WDPCP: variants seen among roughly 807,000 people sequenced by gnomAD.
WDPCP encodes WD repeat containing planar cell polarity effector.
Under a neutral mutation model 93.1 loss-of-function variants are expected in WDPCP, and 71 were observed. The observed-to-expected ratio is 0.76, with a 90% CI of 0.63 to 0.93. The LOEUF is 0.93. WDPCP is among the 40% of genes least tolerant of loss of function. WDPCP has a pLI of 0.00. For missense variants in WDPCP, 844 were observed against 887.4 expected, an observed-to-expected ratio of 0.95 and a Z score of 0.62; for synonymous variants, 315 against 315.0, an observed-to-expected ratio of 1.00 and a Z score of 0.00.
At position 63,174,710 on chromosome 2, in the gene WDPCP, G is replaced by A; in HGVS notation, c.2038C>T (p.His680Tyr). The change falls in exon 15 of 18, where the codon CAT (histidine) becomes TAT (tyrosine). Residue 680 changes from histidine (H) to tyrosine (Y), a missense_variant. By Grantham distance (83) the His-to-Tyr change is moderately conservative. Transcript: ENST00000272321. ...TTCAGTATTCTTTGTTGTAAAATAT[G>A]TCTGTGGGTTGGGCAAGAGGGAGGG... is the stretch of plus-strand genomic sequence containing the variant. ...NLPPSCPTHR[H>Y]ILQQRILNGS... 1 of 1,613,978 alleles carries A rather than the reference G, an allele frequency of 6.2e-7. No homozygotes were observed. The highest frequency in any genetic ancestry group is 8.5e-7 in the Non-Finnish European group (1 of 1,179,912).
At chr2:63,782,513 G>C (rs570282168) in intron 2 of WDPCP, among the ~76,000 whole-genome samples, 7 of 152,074 alleles carry the variant, frequency 4.6e-5, no homozygotes, top group Non-Finnish European at 1.0e-4. Context: ...GCCAAGAATA[G>C]ACATTTTTCA....
chr2:63,557,950 A>G (rs1416826166), intron 1 of WDPCP, among the ~76,000 whole-genome samples: 2 of 152,216 alleles, frequency 1.3e-5, no homozygotes, highest in East Asian at 3.8e-4. Context: ...GAAACCAAAG[A>G]GAACAAAGAG....
chr2:63,464,004 GCAAAAA>G (rs1380127319), intron 6 of WDPCP, among the ~76,000 whole-genome samples: 1 of 151,880 alleles, frequency 6.6e-6, no homozygotes, highest in Non-Finnish European at 1.5e-5. Flanking sequence ...TACTACAAAA[GCAAAAA>G]CAAACAAATG....
chr2:63,799,522 A>G (rs1051036236), intron 2 of WDPCP, among the ~76,000 whole-genome samples: 11 of 152,144 alleles, frequency 7.2e-5, no homozygotes, highest in African/African-American at 2.4e-4. Context: ...AGTAGCCTCA[A>G]TGGTTTGTAC....
At chr2:63,644,060 TAGAA>T (rs1387747616) in intron 3 of WDPCP, 5 of 376,876 alleles carry the variant, frequency 1.3e-5, no homozygotes, top group Middle Eastern at 1.8e-3. Flanking sequence ...GTGCTAGGCA[TAGAA>T]AGAGTGATGA....
Position 63,437,527 on chromosome 2 carries a change from A to G in WDPCP, c.527T>C (p.Leu176Ser). Residue 176 changes from leucine to serine, a missense_variant, in exon 8 of 18, where the codon TTA becomes TCA. Coordinates refer to ENST00000272321, the MANE Select transcript of WDPCP (RefSeq NM_015910.7). ...DALLTDSFII[L>S]SFLAQNKLCF... is the part of the protein sequence containing the mutation. The stretch of plus-strand genomic sequence containing the variant: ...TAGTTTGTTTTGTGCCAAAAATGAT[A>G]AGATGATAAAACTGTCTGTGAGAAG... The G allele has an allele frequency of 6.3e-7, 1 of 1,594,820 alleles. No individual in the cohort carries two copies.
chr2:63,418,644 A>G (rs1214951355), intron 9 of WDPCP, among the ~76,000 whole-genome samples: 1 of 152,210 alleles, frequency 6.6e-6, no homozygotes, highest in African/African-American at 2.4e-5. Flanking sequence ...TTAGAATTCA[A>G]AAGAGAATGC....
At chr2:63,368,309 T>A (rs1408772027) in intron 12 of WDPCP, among the ~76,000 whole-genome samples, 20 of 84,068 alleles carry the variant, frequency 2.4e-4, no homozygotes, top group Middle Eastern at 0.011. Flanking sequence ...TTTATTTATT[T>A]ATTTATTTAT....
At chr2:63,526,418 G>C (rs1043670071) in intron 1 of WDPCP, among the ~76,000 whole-genome samples, 1 of 152,128 alleles carries the variant, frequency 6.6e-6, no homozygotes, top group African/African-American at 2.4e-5. Context: ...GTTTGAAAAG[G>C]AATTTTTTAA....
intron 17 of WDPCP, among the ~76,000 whole-genome samples, chr2:63,131,902 C>T (rs1670319764): frequency 7.0e-6 from 1 of 142,566 alleles, no homozygotes; most frequent in African/African-American, 2.6e-5. Context: ...GTGGTGCGAT[C>T]TCAGCTCACT....
intron 2 of WDPCP, among the ~76,000 whole-genome samples, chr2:63,683,424 C>T (rs1668750868): frequency 6.6e-6 from 1 of 151,736 alleles, no homozygotes; most frequent in Admixed American, 6.6e-5. Flanking sequence ...CCAATGGAAA[C>T]CAAAAGAGAG....
At chr2:63,509,729 T>TA (rs1416457005) in intron 1 of WDPCP, among the ~76,000 whole-genome samples, 3 of 151,166 alleles carry the variant, frequency 2.0e-5, no homozygotes, top group Admixed American at 6.6e-5. Flanking sequence ...ATAGACACAA[T>TA]AAAAAAAGAT....
At position 63,498,340 on chromosome 2, in the gene WDPCP, T is replaced by G. The variant is rs1428201887; in HGVS notation, c.76-5400A>C. 3.3e-5 allele frequency among the ~76,000 whole-genome samples: 5 copies of G among 152,222 alleles called. No individual in the cohort carries two copies. The East Asian group carries it at 9.6e-4, about 29-fold the overall frequency. On this transcript the variant is annotated intron_variant, in intron 1 of 17. Transcript: ENST00000272321. ...GAGCTTCACATACATTTAGAATGAC[T>G]GCTCTTTTTTATACAGGGGACAATC...
chr2:63,589,155 C>G, upstream of WDPCP: 2 of 1,612,204 alleles, frequency 1.2e-6, no homozygotes, highest in South Asian at 1.1e-5. Context: ...CACTGTCCTT[C>G]GCGCCCTTTG....
In WDPCP at chr2:63,808,314, TCCCTCTCCCCTCTCCCCTCTC is replaced by T. The variant is rs775542137; in HGVS notation, n.308+5287_308+5307del. On this transcript the variant is annotated intron_variant and non_coding_transcript_variant, in intron 2 of 4. Transcript: ENST00000467687. The stretch of plus-strand genomic sequence containing the variant: ...TCCCTCTCCCTCTCCCTCTCCCCTC[TCCCTCTCCCCTCTCCCCTCTC>T]CCCTCTCCCCACGGTCTCCCTCTCC... 3.3e-5 allele frequency among the ~76,000 whole-genome samples: 4 copies of T among 120,914 alleles called. No homozygotes were observed. The South Asian group carries it at 1.4e-3, about 43-fold the overall frequency. 79.3% of individuals were successfully genotyped at this position (120,914 alleles called of 152,430 possible).
At position 63,439,882 on chromosome 2, in the gene WDPCP, G is replaced by A. The variant is rs748209982; in HGVS notation, c.385-11C>T. ...TGAACCAAAAAGGAGCTAAAACCAG[G>A]TAAGTGGGGGAGAGAGGGAGGAAGA... On this transcript the variant is annotated splice_polypyrimidine_tract_variant and intron_variant, in intron 6 of 17. Transcript: ENST00000272321. 8 of 1,603,400 alleles carry A rather than the reference G, an allele frequency of 5.0e-6. No individual in the cohort carries two copies. In the South Asian group the frequency reaches 7.7e-5, roughly 15 times the overall value.
At chr2:63,338,173 G>A (rs1010339523) in intron 12 of WDPCP, among the ~76,000 whole-genome samples, 6 of 152,046 alleles carry the variant, frequency 3.9e-5, no homozygotes, top group Non-Finnish European at 5.9e-5. Flanking sequence ...TTTAATTTTT[G>A]TGTATGGTGA....
At chr2:63,501,477 G>A (rs1410112931) in intron 1 of WDPCP, among the ~76,000 whole-genome samples, 3 of 152,190 alleles carry the variant, frequency 2.0e-5, no homozygotes, top group African/African-American at 7.2e-5. Context: ...GACAGAGGAG[G>A]ATGGCTCAAG....
At chr2:63,579,691 T>C (rs1162950834) in intron 1 of WDPCP, among the ~76,000 whole-genome samples, 2 of 152,098 alleles carry the variant, frequency 1.3e-5, no homozygotes, top group Non-Finnish European at 2.9e-5. Context: ...TGCAATCCAC[T>C]GAATAAAATG....
Sources: allele counts gnomAD v4.1 joint callset (sites outside exome capture counted in the v4.1 genomes callset), GRCh38; gene constraint gnomAD v4.1.1; transcripts MANE v1.5; gene names NCBI Gene and HGNC (gene_info 2026-07-23, HGNC 2026-07-21).